The following ZHX2 variants were observed in gnomAD, a reference collection of about 807,000 sequenced individuals.
The protein encoded by ZHX2 is zinc fingers and homeoboxes protein 2.
A neutral mutation model predicts 21.9 loss-of-function variants in ZHX2; 6 were observed. The ratio of observed to expected loss-of-function variants is 0.27; its 90% CI spans 0.15 to 0.54. The LOEUF (loss-of-function observed/expected upper bound fraction) is 0.54, where lower values mean the gene tolerates loss of function less well. Among genes scored for constraint, ZHX2 ranks in the 20% least tolerant of loss-of-function variants. ZHX2 has a pLI of 0.95. For synonymous variants in ZHX2, 434 were observed against 437.1 expected (o/e 0.99, Z 0.09); for missense variants, 908 against 1,090.7 (o/e 0.83, Z 2.36).
At chr8:122,836,375 T>C (rs1447203723) in intron 1 of ZHX2, among the ~76,000 whole-genome samples, 2 of 152,190 alleles carry the variant, frequency 1.3e-5, no homozygotes, top group Non-Finnish European at 2.9e-5. Flanking sequence ...TTTGTCCGGC[T>C]GCTGTGGCTT....
intron 3 of ZHX2, among the ~76,000 whole-genome samples, chr8:122,956,122 G>T (rs1382772256): frequency 6.6e-6 from 1 of 152,136 alleles, no homozygotes; most frequent in Non-Finnish European, 1.5e-5. Flanking sequence ...TGGGATTACA[G>T]GCGTGAGCCA....
At chr8:122,841,137 G>A (rs931875573) in intron 1 of ZHX2, among the ~76,000 whole-genome samples, 8 of 152,232 alleles carry the variant, frequency 5.3e-5, no homozygotes, top group African/African-American at 1.4e-4. Flanking sequence ...CAGGTGGAGC[G>A]TTGCTGGTTC....
At position 122,952,126 on chromosome 8, in the gene ZHX2, A is replaced by G; in HGVS notation, c.616A>G (p.Ile206Val). 1 of 1,613,272 alleles carries G rather than the reference A, an allele frequency of 6.2e-7. No homozygotes were observed. The highest frequency in any genetic ancestry group is 1.6e-4 in the Middle Eastern group (1 of 6,062). The change falls in exon 3 of 4, where the codon ATC becomes GTC. Residue 206 changes from isoleucine (I) to valine (V), a missense_variant. Physicochemically the swap from Ile to Val is conservative, Grantham distance 29. Coordinates refer to ENST00000314393, the MANE Select transcript of ZHX2 (RefSeq NM_014943.5). This position sits in a 1 kb window ranked among gnomAD's most constrained non-coding sequence, Gnocchi z 6.9. Reference sequence around the variant, plus strand: ...GAAGGTGCCCAAGAAGCCCGAGGAGATCACCCCCGAGAACCACGTGGAAGG... The same window carrying G: ...GAAGGTGCCCAAGAAGCCCGAGGAGGTCACCCCCGAGAACCACGTGGAAGG... The part of the protein sequence containing the change: ...AKKVPKKPEE[I>V]TPENHVEGTA...
chr8:122,808,469 C>A (rs963255297), intron 1 of ZHX2, among the ~76,000 whole-genome samples: 5 of 152,182 alleles, frequency 3.3e-5, no homozygotes. Context: ...ACCATCAGAT[C>A]TCATGAGAAT....
intron 2 of ZHX2, among the ~76,000 whole-genome samples, chr8:122,867,693 A>G: frequency 6.6e-6 from 1 of 152,226 alleles, no homozygotes; most frequent in East Asian, 1.9e-4. Context: ...ATGGGGAAAT[A>G]ATACATCTCA....
intron 2 of ZHX2, among the ~76,000 whole-genome samples, chr8:122,936,405 C>G (rs139423020): frequency 1.3e-3 from 199 of 152,308 alleles, no homozygotes; most frequent in Non-Finnish European, 2.2e-3. Flanking sequence ...AATGCAATCC[C>G]ACTCATGTCC....
chr8:122,842,282 C>G (rs192471096), intron 1 of ZHX2, among the ~76,000 whole-genome samples: 1 of 152,320 alleles, frequency 6.6e-6, no homozygotes, highest in Admixed American at 6.5e-5. Context: ...TCTCTCAGGG[C>G]CCCCAGTCCT....
chr8:122,799,454 G>C (rs1817676202), intron 1 of ZHX2, among the ~76,000 whole-genome samples: 1 of 152,104 alleles, frequency 6.6e-6, no homozygotes, highest in Non-Finnish European at 1.5e-5. Flanking sequence ...CTCTGACAAA[G>C]CTAATCATTC....
At chr8:122,799,038 T>G (rs1817666384) in intron 1 of ZHX2, among the ~76,000 whole-genome samples, 1 of 152,180 alleles carries the variant, frequency 6.6e-6, no homozygotes, top group African/African-American at 2.4e-5. Flanking sequence ...CTCTGCTACT[T>G]TAAAATGTGC....
intron 2 of ZHX2, among the ~76,000 whole-genome samples, chr8:122,924,363 T>C (rs1428575333): frequency 6.6e-6 from 1 of 152,170 alleles, no homozygotes; most frequent in Non-Finnish European, 1.5e-5. Context: ...TTTCCCCTTT[T>C]CATAAAGACA....
chr8:122,912,536 T>C (rs1008701768), intron 2 of ZHX2, among the ~76,000 whole-genome samples: 4 of 152,192 alleles, frequency 2.6e-5, no homozygotes, highest in African/African-American at 9.7e-5. Flanking sequence ...AGAAGCCTCG[T>C]CTATGGCACT....
chr8:122,898,317 G>A (rs968440933), intron 2 of ZHX2, among the ~76,000 whole-genome samples: 6 of 152,146 alleles, frequency 3.9e-5, no homozygotes, highest in African/African-American at 7.2e-5. Context: ...GAAAGTTGAC[G>A]GTGATGATGG....
chr8:122,875,563 A>G (rs746701375), intron 2 of ZHX2, among the ~76,000 whole-genome samples: 5 of 151,506 alleles, frequency 3.3e-5, no homozygotes, highest in Non-Finnish European at 7.4e-5. Flanking sequence ...TAAGATTTGT[A>G]GCAACAGCAG....
chr8:122,917,031 TC>T (rs1378476425), intron 2 of ZHX2, among the ~76,000 whole-genome samples: 5 of 151,850 alleles, frequency 3.3e-5, no homozygotes, highest in Non-Finnish European at 7.4e-5. Context: ...CTGTCCCCAG[TC>T]CCCCCCACCA....
intron 2 of ZHX2, among the ~76,000 whole-genome samples, chr8:122,864,636 A>AC (rs924978068): frequency 8.7e-5 from 13 of 150,012 alleles, no homozygotes; most frequent in East Asian, 2.0e-4. Flanking sequence ...AGACTCACCC[A>AC]CCCCCCCACT....
chr8:122,911,066 G>A (rs1820469055), intron 2 of ZHX2, among the ~76,000 whole-genome samples: 1 of 152,182 alleles, frequency 6.6e-6, no homozygotes, highest in South Asian at 2.1e-4. Flanking sequence ...GTGAAAGCAA[G>A]TATGACTTTG....
At chr8:122,900,512 A>G (rs1356998313) in intron 2 of ZHX2, among the ~76,000 whole-genome samples, 2 of 152,182 alleles carry the variant, frequency 1.3e-5, no homozygotes, top group African/African-American at 4.8e-5. Context: ...AGATTTCAAC[A>G]TGAGGTTTGG....
intron 1 of ZHX2, among the ~76,000 whole-genome samples, chr8:122,836,601 G>A (rs1391423480): frequency 6.6e-6 from 1 of 152,234 alleles, no homozygotes; most frequent in African/African-American, 2.4e-5. Context: ...ACCAAGTGAG[G>A]ACAGGGCAAA....
chr8:122,790,301 A>G (rs946614283), intron 1 of ZHX2, among the ~76,000 whole-genome samples: 7 of 152,148 alleles, frequency 4.6e-5, no homozygotes, highest in Admixed American at 4.6e-4. Flanking sequence ...ATGGCCATGT[A>G]TTATTTTTCT....
Sources: gnomAD v4.1 joint callset for allele counts (sites outside exome capture counted in the v4.1 genomes callset) on GRCh38, gnomAD v4.1.1 for gene constraint, Gnocchi (gnomAD v3.1) non-coding constraint, MANE v1.5 for transcripts, NCBI Gene and HGNC (gene_info 2026-07-23, HGNC 2026-07-21) for gene names.